Variants in PLB1 observed in about 807,000 individuals in gnomAD.
PLB1 encodes phospholipase B1, membrane-associated.
Under a neutral mutation model 227.4 loss-of-function variants are expected in PLB1, and 242 were observed. That is an observed-to-expected ratio of 1.06 (90% CI 0.96 to 1.18). The LOEUF (loss-of-function observed/expected upper bound fraction) is 1.18. Among genes scored for constraint, PLB1 ranks in the 50% most tolerant of loss-of-function variants. The pLI is 0.00. For missense variants in PLB1, 1,858 were observed against 1,816.3 expected, an observed-to-expected ratio of 1.02 and a Z score of -0.42; for synonymous variants, 757 against 682.2, an observed-to-expected ratio of 1.11 and a Z score of -1.71.
intron 1 of PLB1, among the ~76,000 whole-genome samples, chr2:28,508,334 A>G (rs1341624298): frequency 6.6e-6 from 1 of 152,100 alleles, no homozygotes; most frequent in Non-Finnish European, 1.5e-5. Flanking sequence ...CAACCCAGCT[A>G]CCTCAGAAGG....
At chr2:28,599,472 A>G (rs905202750) in intron 35 of PLB1, among the ~76,000 whole-genome samples, 19 of 152,208 alleles carry the variant, frequency 1.2e-4, no homozygotes, top group African/African-American at 4.6e-4. Context: ...TCTTGGTAAT[A>G]GAAACAGCTG....
At chr2:28,566,967 G>A in intron 20 of PLB1, 128 bp downstream of exon 20, 1 of 1,105,302 alleles carries the variant, frequency 9.0e-7, no homozygotes, top group Non-Finnish European at 1.3e-6. Context: ...TCACCAGGGG[G>A]CGCTGCCTCC....
intron 56 of PLB1, among the ~76,000 whole-genome samples, chr2:28,637,768 A>T (rs1689540148): frequency 1.3e-5 from 2 of 151,876 alleles, no homozygotes; most frequent in African/African-American, 4.8e-5. Flanking sequence ...TGCCCTTCTC[A>T]CCTCCTTGCC....
At chr2:28,528,038 C>T (rs75978994) in intron 6 of PLB1, among the ~76,000 whole-genome samples, 6,440 of 152,196 alleles carry the variant, frequency 0.042, 190 homozygotes, top group Non-Finnish European at 0.064. Context: ...GCAAGCCAAT[C>T]GGGGGTTAGA....
At chr2:28,561,792 G>GT (rs1261672821) in intron 17 of PLB1, among the ~76,000 whole-genome samples, 10 of 152,162 alleles carry the variant, frequency 6.6e-5, no homozygotes, top group Non-Finnish European at 1.5e-4. Context: ...GGAGGCTGAG[G>GT]TGGGAGGATC....
chr2:28,600,171 A>C (rs1033933171), intron 35 of PLB1, among the ~76,000 whole-genome samples: 4 of 152,120 alleles, frequency 2.6e-5, no homozygotes, highest in Admixed American at 2.0e-4. Flanking sequence ...CAGCCTCCCA[A>C]AGTGCTGGGA....
chr2:28,628,827 A>G lies in PLB1; in HGVS notation c.3726+199A>G, dbSNP rs56145924. On this transcript the variant is annotated intron_variant, in intron 52 of 57. Transcript: ENST00000327757. ...CCAGAGACAGGGTTGTGTGGTAGCA[A>G]TGAGCTTGCCTCTGAACCAATTGGC... Among the ~76,000 whole-genome samples the G allele has an allele frequency of 0.25, 37,478 of 152,068 alleles. 4,666 individuals carry two copies. Among genetic ancestry groups the G allele is most frequent in the East Asian group, 0.35 (1,829 of 5,158 alleles).
chr2:28,540,532 T>C, intron 12 of PLB1, 91 bp downstream of exon 12: 1 of 1,067,230 alleles, frequency 9.4e-7, no homozygotes, highest in Non-Finnish European at 1.4e-6. Context: ...TTAGTTGAGT[T>C]TGCTAATGTT....
At position 28,617,883 on chromosome 2, in the gene PLB1, G is replaced by C; in HGVS notation, c.3256+96G>C. On this transcript the variant is annotated intron_variant, in intron 45 of 57. Transcript: ENST00000327757. ...AAACATACCCTGGAGCTTTAAGCAGGACTTGCTAATTCCCCTGCAGTGCAG... is the reference window on the plus strand; with the variant it reads ...AAACATACCCTGGAGCTTTAAGCAGCACTTGCTAATTCCCCTGCAGTGCAG... 3 of 1,281,810 alleles carry C rather than the reference G, an allele frequency of 2.3e-6. No individual in the cohort carries two copies. In the Admixed American group the frequency reaches 5.1e-5, roughly 22 times the overall value. The allele number at this position is 1,281,810 out of a possible 1,614,324, so 79.4% of individuals were successfully genotyped here.
At chr2:28,626,325 A>G in intron 50 of PLB1, 103 bp from the exon 51 acceptor site, 1 of 903,744 alleles carries the variant, frequency 1.1e-6, no homozygotes, top group Non-Finnish European at 1.8e-6. Flanking sequence ...GTTACAGTAT[A>G]AATAAGACAA....
At chr2:28,606,624 C>A in intron 43 of PLB1, 57 bp downstream of exon 43, 1 of 1,510,466 alleles carries the variant, frequency 6.6e-7, no homozygotes, top group Non-Finnish European at 9.2e-7. Context: ...ACAGCTCGCC[C>A]TACCCACTTC....
At position 28,604,610 on chromosome 2, in the gene PLB1, G is replaced by C. The variant is rs1034752897; in HGVS notation, c.2857-45G>C. The C allele has an allele frequency of 2.6e-6, 4 of 1,566,670 alleles. No homozygotes were observed. The African/African-American group carries it at 4.1e-5, about 16-fold the overall frequency. On this transcript the variant is annotated intron_variant, in intron 40 of 57. Transcript: ENST00000327757. ...CTACTCTTGCCTCACTGGGTCCTGG[G>C]CCCACCCAGGGCCTGGGCTGAAGAC...
chr2:28,554,574 A>G (rs1422426479), intron 17 of PLB1, among the ~76,000 whole-genome samples: 1 of 142,198 alleles, frequency 7.0e-6, no homozygotes, highest in Non-Finnish European at 1.5e-5. Context: ...GGCTCAGGCG[A>G]TCCTCCAGCG....
At position 28,504,987 on chromosome 2, in the gene PLB1, A is replaced by G. The variant is rs549598228; in HGVS notation, c.55+8818A>G. On this transcript the variant is annotated intron_variant, in intron 1 of 57. Coordinates refer to ENST00000327757, the MANE Select transcript of PLB1 (RefSeq NM_153021.5). ...ATGAAGGTGAATGTCTTCAGAGAAG[A>G]TATAAGTGTTCATTCTATTGGGCAC... 3.9e-4 allele frequency among the ~76,000 whole-genome samples: 60 copies of G among 152,318 alleles called. No individual in the cohort carries two copies. In the Middle Eastern group the frequency reaches 0.01, roughly 26 times the overall value.
At chr2:28,511,583 T>C (rs1372467481) in intron 1 of PLB1, among the ~76,000 whole-genome samples, 1 of 152,166 alleles carries the variant, frequency 6.6e-6, no homozygotes, top group Non-Finnish European at 1.5e-5. Flanking sequence ...ATTGGTCTCC[T>C]GTACTCGAAG....
At chr2:28,590,689 T>G (rs1681752357) in intron 29 of PLB1, among the ~76,000 whole-genome samples, 1 of 152,012 alleles carries the variant, frequency 6.6e-6, no homozygotes, top group South Asian at 2.1e-4. Context: ...GGGGTTTACG[T>G]GAGGCAGGAC....
At chr2:28,562,000 C>T (rs1216639015) in intron 17 of PLB1, among the ~76,000 whole-genome samples, 2 of 152,104 alleles carry the variant, frequency 1.3e-5, no homozygotes, top group Admixed American at 6.5e-5. Context: ...TTATATGATT[C>T]TATGTACATG....
rs755210873 is a variant in PLB1 at position 28,525,243 on chromosome 2, G to T, written c.244-24G>T. ...GCTCTGCCACCTCCCCTGGCTGGGT[G>T]TTAACATTGAGTATCTATTCCAGCC... On this transcript the variant is annotated intron_variant, in intron 4 of 57. Transcript: ENST00000327757. 5.0e-6 allele frequency: 8 copies of T among 1,611,682 alleles called. No individual in the cohort carries two copies. In the Admixed American group the frequency reaches 1.3e-4, roughly 27 times the overall value.
chr2:28,535,595 G>T (rs1262600048), intron 9 of PLB1, among the ~76,000 whole-genome samples: 2 of 152,162 alleles, frequency 1.3e-5, no homozygotes, highest in Non-Finnish European at 2.9e-5. Flanking sequence ...CACATCTCAG[G>T]TATAAGCTCT....
Sources: gnomAD v4.1 joint callset for allele counts (sites outside exome capture counted in the v4.1 genomes callset) on GRCh38, gnomAD v4.1.1 for gene constraint, MANE v1.5 for transcripts, NCBI Gene and HGNC (gene_info 2026-07-23, HGNC 2026-07-21) for gene names.